Variants in CNTLN observed in about 807,000 individuals in gnomAD.
CNTLN encodes the protein centlein.
Under a neutral mutation model 180.0 loss-of-function variants are expected in CNTLN, and 212 were observed. The observed-to-expected ratio is 1.18, with a 90% CI of 1.05 to 1.32. CNTLN has a LOEUF of 1.32. Ranked by LOEUF, CNTLN falls within the 40% of genes most tolerant of loss-of-function variation. CNTLN has a pLI of 0.00. For missense variants in CNTLN, 2,095 were observed against 1,610.9 expected (o/e 1.30, Z -5.14); for synonymous variants, 722 against 563.1 (o/e 1.28, Z -3.99).
intron 8 of CNTLN, among the ~76,000 whole-genome samples, chr9:17,319,994 T>C (rs1819796864): frequency 6.6e-6 from 1 of 152,212 alleles, no homozygotes; most frequent in Non-Finnish European, 1.5e-5. Context: ...TATTCTTATC[T>C]CAAAGCGATT....
At chr9:17,297,186 T>G (rs896378252) in intron 6 of CNTLN, among the ~76,000 whole-genome samples, 16 of 152,178 alleles carry the variant, frequency 1.1e-4, no homozygotes, top group African/African-American at 3.9e-4. Flanking sequence ...CAATACAGTA[T>G]AACATTATTT....
chr9:17,412,272 A>G (rs1445136819), intron 16 of CNTLN, among the ~76,000 whole-genome samples: 1 of 152,202 alleles, frequency 6.6e-6, no homozygotes, highest in African/African-American at 2.4e-5. Context: ...CATTCAAATG[A>G]GATTCAAGTA....
intron 16 of CNTLN, among the ~76,000 whole-genome samples, chr9:17,413,212 CAA>C (rs34931239): frequency 6.6e-6 from 1 of 151,702 alleles, no homozygotes; most frequent in Non-Finnish European, 1.5e-5. Flanking sequence ...TATTTCTACG[CAA>C]AAAATATAGG....
chr9:17,397,920 G>C (rs553559467), intron 15 of CNTLN, among the ~76,000 whole-genome samples: 1 of 152,134 alleles, frequency 6.6e-6, no homozygotes, highest in Admixed American at 6.5e-5. Flanking sequence ...TTCTCAAACG[G>C]CTAGAAATTC....
At chr9:17,325,378 ATGTGTGTGTGTGTG>A (rs74311460) in intron 8 of CNTLN, among the ~76,000 whole-genome samples, 5 of 128,090 alleles carry the variant, frequency 3.9e-5, no homozygotes, top group Admixed American at 7.6e-5. Context: ...ATGTGTATGT[ATGTGTGTGTGTGTG>A]TGTGTGTGTG....
intron 15 of CNTLN, among the ~76,000 whole-genome samples, chr9:17,404,946 C>A (rs1827262477): frequency 6.6e-6 from 1 of 151,568 alleles, no homozygotes; most frequent in East Asian, 1.9e-4. Context: ...CCATGTTAGC[C>A]AGGCTGGTCT....
chr9:17,332,502 T>A, intron 9 of CNTLN, 103 bp from the exon 10 acceptor site: 1 of 1,063,838 alleles, frequency 9.4e-7, no homozygotes, highest in Non-Finnish European at 1.3e-6. Context: ...TTTTTTTTTA[T>A]AATTCATTAT....
chr9:17,457,627 A>G lies in CNTLN; in HGVS notation c.3218A>G (p.Gln1073Arg). 2 of 1,566,024 alleles carry G rather than the reference A, an allele frequency of 1.3e-6. No individual in the cohort carries two copies. Among genetic ancestry groups the G allele is most frequent in the Non-Finnish European group, 1.7e-6 (2 of 1,154,070 alleles). Residue 1073 changes from glutamine (Q) to arginine (R), a missense_variant, in exon 19 of 26, where the codon CAG becomes CGG. Coordinates refer to ENST00000380647, the MANE Select transcript of CNTLN (RefSeq NM_017738.4). ...ACAAGTTTGGCAGAAGAAAATTCCC[A>G]GGTAACATTTCCACGGATACAAGTT... ...EITSLAEENS[Q>R]VTFPRIQVTS...
At chr9:17,474,657 C>T (rs1282591656) in intron 23 of CNTLN, among the ~76,000 whole-genome samples, 5 of 151,916 alleles carry the variant, frequency 3.3e-5, no homozygotes, top group African/African-American at 7.3e-5. Flanking sequence ...TCACTTGAAG[C>T]CAGGAGTTCA....
intron 23 of CNTLN, among the ~76,000 whole-genome samples, chr9:17,483,605 A>C (rs976981800): frequency 6.6e-6 from 1 of 152,208 alleles, no homozygotes. Context: ...CACTCTGTCC[A>C]ACCAAATTAA....
At chr9:17,317,458 C>T (rs1181123255) in intron 8 of CNTLN, among the ~76,000 whole-genome samples, 1 of 151,980 alleles carries the variant, frequency 6.6e-6, no homozygotes, top group Non-Finnish European at 1.5e-5. Flanking sequence ...TGATATTCTA[C>T]TATGTGTTAG....
At chr9:17,497,150 A>G (rs889076676) in intron 25 of CNTLN, among the ~76,000 whole-genome samples, 1 of 152,192 alleles carries the variant, frequency 6.6e-6, no homozygotes, top group African/African-American at 2.4e-5. Context: ...GTGAAGGCAC[A>G]GCAGTAGTCT....
intron 5 of CNTLN, among the ~76,000 whole-genome samples, chr9:17,240,385 A>G (rs562248846): frequency 3.1e-4 from 47 of 152,150 alleles, no homozygotes; most frequent in Non-Finnish European, 6.3e-4. Context: ...TCTACGTATC[A>G]TATCATGACA....
chr9:17,307,106 G>T lies in CNTLN; in HGVS notation c.1147-1952G>T, dbSNP rs148509269. 1.5e-3 allele frequency among the ~76,000 whole-genome samples: 229 copies of T among 152,188 alleles called. 2 individuals are homozygous for T. Among genetic ancestry groups the T allele is most frequent in the Non-Finnish European group, 2.2e-3 (152 of 68,008 alleles). On this transcript the variant is annotated intron_variant, in intron 7 of 25. Coordinates refer to ENST00000380647, the MANE Select transcript of CNTLN (RefSeq NM_017738.4). ...GGTATCAGCTGTGGAAATGACATTG[G>T]ACATGCTCCTTGGTATAAAGGTAAT... is the stretch of plus-strand genomic sequence containing the variant.
At chr9:17,350,492 A>G (rs1379657546) in intron 12 of CNTLN, among the ~76,000 whole-genome samples, 2 of 152,166 alleles carry the variant, frequency 1.3e-5, no homozygotes, top group African/African-American at 4.8e-5. Context: ...AGCAATAATA[A>G]GAGAATATTA....
At chr9:17,316,820 T>C (rs1411846094) in intron 8 of CNTLN, among the ~76,000 whole-genome samples, 1 of 152,134 alleles carries the variant, frequency 6.6e-6, no homozygotes, top group Non-Finnish European at 1.5e-5. Flanking sequence ...CCTTAGTGCT[T>C]ACCCTGGGGG....
Position 17,266,944 on chromosome 9 carries a change from G to T in CNTLN, c.850-6789G>T, listed in dbSNP as rs1306116495. Among the ~76,000 whole-genome samples, 9 of 152,050 alleles carry T rather than the reference G, an allele frequency of 5.9e-5. 1 individual carries two copies. The highest frequency in any genetic ancestry group is 1.2e-4 in the Non-Finnish European group (8 of 68,008). On this transcript the variant is annotated intron_variant, in intron 5 of 25. Coordinates refer to ENST00000380647, the MANE Select transcript of CNTLN (RefSeq NM_017738.4). ...AGCCTATGTGTGTCTCTGCACATGAGATGGGTTTCCTGAATACAGCACACT... is the reference window on the plus strand; with the variant it reads ...AGCCTATGTGTGTCTCTGCACATGATATGGGTTTCCTGAATACAGCACACT...
chr9:17,514,172 T>C, the CNTLN span, among the ~76,000 whole-genome samples: 1 of 147,242 alleles, frequency 6.8e-6, no homozygotes, highest in African/African-American at 2.5e-5. Flanking sequence ...AAACTGGGCG[T>C]AATGACACAT....
At chr9:17,194,189 A>G (rs892079698) in intron 2 of CNTLN, among the ~76,000 whole-genome samples, 1 of 152,140 alleles carries the variant, frequency 6.6e-6, no homozygotes, top group African/African-American at 2.4e-5. Context: ...CATTTTCCCC[A>G]TTGTCTTAGG....
Sources: gnomAD v4.1 joint callset for allele counts (sites outside exome capture counted in the v4.1 genomes callset) on GRCh38, gnomAD v4.1.1 for gene constraint, MANE v1.5 for transcripts, NCBI Gene and HGNC (gene_info 2026-07-23, HGNC 2026-07-21) for gene names.